Variants in PLD5 observed in about 807,000 individuals in gnomAD.
PLD5 encodes inactive phospholipase D5.
PLD5 carries 36 observed loss-of-function variants against 61.1 expected under a neutral mutation model. That is an observed-to-expected ratio of 0.59 (90% confidence interval 0.45 to 0.78). PLD5 has a LOEUF of 0.78. Among genes scored for constraint, PLD5 ranks in the 30% least tolerant of loss-of-function variants. The pLI, the probability that PLD5 is intolerant of heterozygous loss-of-function variation, is 0.00. For missense variants in PLD5, 515 were observed against 644.4 expected (o/e 0.80, Z 2.17); for synonymous variants, 243 against 242.8 (o/e 1.00, Z -0.01).
At chr1:242,371,131 G>A (rs113870852) in intron 1 of PLD5, among the ~76,000 whole-genome samples, 4,300 of 152,272 alleles carry the variant, frequency 0.028, 152 homozygotes, top group East Asian at 0.14. Flanking sequence ...GACTTCGGGT[G>A]TAACTGGCAA....
intron 4 of PLD5, among the ~76,000 whole-genome samples, chr1:242,246,232 G>T (rs1374720360): frequency 6.6e-6 from 1 of 152,006 alleles, no homozygotes; most frequent in Non-Finnish European, 1.5e-5. Flanking sequence ...CAAGCATGAT[G>T]GCATGTGCCT....
intron 2 of PLD5, among the ~76,000 whole-genome samples, chr1:242,328,278 A>G (rs1330526470): frequency 6.6e-6 from 1 of 151,858 alleles, no homozygotes; most frequent in Non-Finnish European, 1.5e-5. Flanking sequence ...ACACATATAT[A>G]TTATATATAT....
At chr1:242,407,968 C>T (rs1664337956) in intron 1 of PLD5, among the ~76,000 whole-genome samples, 1 of 152,184 alleles carries the variant, frequency 6.6e-6, no homozygotes, top group Non-Finnish European at 1.5e-5. Context: ...GATTCTTCTA[C>T]ATCACTGCAC....
chr1:242,100,792 A>G lies in PLD5; in HGVS notation c.1240-10T>C, dbSNP rs554976763. 1.3e-6 allele frequency: 2 copies of G among 1,578,376 alleles called. No individual in the cohort carries two copies. Among genetic ancestry groups the G allele is most frequent in the African/African-American group, 1.4e-5 (1 of 73,878 alleles). On this transcript the variant is annotated splice_polypyrimidine_tract_variant and intron_variant, in intron 8 of 9. Coordinates refer to ENST00000536534, the MANE Select transcript of PLD5 (RefSeq NM_001372062.1). ...CCAGATCAAAAAATTTCTGTAAGAA[A>G]AAAAAAAAGGGGGCAGGTAAATAAG...
At chr1:242,246,384 C>T (rs1282732262) in intron 4 of PLD5, among the ~76,000 whole-genome samples, 1 of 151,750 alleles carries the variant, frequency 6.6e-6, no homozygotes, top group African/African-American at 2.4e-5. Context: ...AAATAAATAA[C>T]TCACAGAGGT....
chr1:242,456,137 T>C (rs1194673450), intron 1 of PLD5, among the ~76,000 whole-genome samples: 1 of 152,174 alleles, frequency 6.6e-6, no homozygotes, highest in African/African-American at 2.4e-5. Flanking sequence ...CCAACCAAGG[T>C]TGGAGTGGAT....
intron 4 of PLD5, among the ~76,000 whole-genome samples, chr1:242,241,918 G>GTATATATATATATA (rs199673112): frequency 1.9e-5 from 2 of 102,624 alleles, no homozygotes; most frequent in Admixed American, 1.2e-4. Context: ...TATACTTACT[G>GTATATATATATATA]TATATATATA....
intron 7 of PLD5, among the ~76,000 whole-genome samples, chr1:242,113,491 G>C (rs1046363470): frequency 3.9e-5 from 6 of 152,132 alleles, no homozygotes; most frequent in Non-Finnish European, 8.8e-5. Flanking sequence ...GGAAAGTCTG[G>C]CAAGACTACT....
At chr1:242,098,518 C>T (rs1035100916) in intron 9 of PLD5, among the ~76,000 whole-genome samples, 10 of 152,172 alleles carry the variant, frequency 6.6e-5, no homozygotes, top group African/African-American at 2.4e-4. Context: ...CCTACTTTAG[C>T]TTGGAGTAGT....
Position 242,375,581 on chromosome 1 carries a change from C to A in PLD5, c.190-27339G>T, listed in dbSNP as rs139562421. On this transcript the variant is annotated intron_variant, in intron 1 of 9. Transcript: ENST00000536534. Reference sequence around the variant, plus strand: ...TGACTACAGTATATCATGCAAGTATCTATATATACACAAAAGAATTCCTTT... The same window carrying A: ...TGACTACAGTATATCATGCAAGTATATATATATACACAAAAGAATTCCTTT... Among the ~76,000 whole-genome samples, 138 of 152,136 alleles carry A rather than the reference C, an allele frequency of 9.1e-4. 2 individuals carry two copies. In the East Asian group the frequency reaches 0.024, roughly 27 times the overall value.
chr1:242,167,076 TAGTAATAATA>T lies in PLD5; in HGVS notation c.736-42421_736-42412del, dbSNP rs1476966810. Reference sequence around the variant, plus strand: ...TTTTGAGAGTGAGAGACAATAATAATAGTAATAATAATAATAATAATAATAATAATAATAA... The same window carrying T: ...TTTTGAGAGTGAGAGACAATAATAATATAATAATAATAATAATAATAATAA... On this transcript the variant is annotated intron_variant, in intron 5 of 9. Coordinates refer to ENST00000536534, the MANE Select transcript of PLD5 (RefSeq NM_001372062.1). Among the ~76,000 whole-genome samples the T allele has an allele frequency of 3.8e-3, 292 of 77,386 alleles. 2 individuals are homozygous for T. The highest frequency in any genetic ancestry group is 6.5e-3 in the Middle Eastern group (1 of 154). The allele number at this position is 77,386 out of a possible 152,430, so 50.8% of individuals were successfully genotyped here.
At chr1:242,529,788 T>A in the PLD5 span, among the ~76,000 whole-genome samples, 1 of 142,036 alleles carries the variant, frequency 7.0e-6, no homozygotes, top group East Asian at 2.0e-4. Flanking sequence ...TCTTCCTTCC[T>A]TCCTTCCTTC....
rs544830104 is a variant in PLD5, at chr1:242,141,899, T to G, written c.736-17234A>C. ...ACATTTTGTGAGTTCCTCAATAATC[T>G]TGCATCTCCACTTCCAGATTTGATC... is the stretch of plus-strand genomic sequence containing the variant. On this transcript the variant is annotated intron_variant, in intron 5 of 9. Transcript: ENST00000536534. Among the ~76,000 whole-genome samples the G allele has an allele frequency of 1.4e-4, 21 of 152,346 alleles. 1 individual carries two copies. Among genetic ancestry groups the G allele is most frequent in the African/African-American group, 4.3e-4 (18 of 41,590 alleles).
At chr1:242,513,413 T>C (rs1398908287) in intron 1 of PLD5, among the ~76,000 whole-genome samples, 1 of 126,080 alleles carries the variant, frequency 7.9e-6, no homozygotes, top group Non-Finnish European at 1.7e-5. Context: ...TCAAAAACTT[T>C]CCATTGAGGG....
intron 1 of PLD5, among the ~76,000 whole-genome samples, chr1:242,439,448 C>T (rs1310017263): frequency 6.6e-6 from 1 of 152,116 alleles, no homozygotes; most frequent in Non-Finnish European, 1.5e-5. Flanking sequence ...TCACTTCTGC[C>T]TACATGTAGT....
At chr1:242,407,887 A>T (rs923920725) in intron 1 of PLD5, among the ~76,000 whole-genome samples, 12 of 150,994 alleles carry the variant, frequency 7.9e-5, no homozygotes, top group African/African-American at 3.0e-4. Flanking sequence ...AAATATACAG[A>T]TTTTAAAGAC....
intron 2 of PLD5, among the ~76,000 whole-genome samples, chr1:242,293,669 A>G (rs1346955240): frequency 6.6e-6 from 1 of 152,212 alleles, no homozygotes; most frequent in Non-Finnish European, 1.5e-5. Context: ...CTAAATATCA[A>G]TATAAACTAT....
intron 2 of PLD5, among the ~76,000 whole-genome samples, chr1:242,321,210 C>T: frequency 6.6e-6 from 1 of 151,260 alleles, no homozygotes; most frequent in East Asian, 1.9e-4. Context: ...CCCCTTGACC[C>T]ATTCTAAAAA....
rs180838373 is a variant in PLD5, at chr1:242,187,356, G to A, written c.735+32632C>T. Among the ~76,000 whole-genome samples, 84 of 152,262 alleles carry A rather than the reference G, an allele frequency of 5.5e-4. 1 individual carries two copies. Among genetic ancestry groups the A allele is most frequent in the African/African-American group, 1.8e-3 (76 of 41,552 alleles). ...GCAGAAAGACCCAGGGTCCTTGGTC[G>A]TTTCCTTGAGTCATCATAGCAGTCC... is the stretch of plus-strand genomic sequence containing the variant. On this transcript the variant is annotated intron_variant, in intron 5 of 9. Transcript: ENST00000536534.
Sources: allele counts gnomAD v4.1 joint callset (sites outside exome capture counted in the v4.1 genomes callset), GRCh38; gene constraint gnomAD v4.1.1; transcripts MANE v1.5; gene names NCBI Gene and HGNC (gene_info 2026-07-23, HGNC 2026-07-21).